Variants in SCN1A observed in about 807,000 individuals in gnomAD.
The protein encoded by SCN1A is sodium channel protein type 1 subunit alpha.
A neutral mutation model predicts 193.7 loss-of-function variants in SCN1A; 13 were observed. The ratio of observed to expected loss-of-function variants is 0.07; its 90% CI spans 0.04 to 0.11. The LOEUF is 0.11. SCN1A is among the 10% of genes least tolerant of loss of function. The probability of loss-of-function intolerance (pLI) is 1.00; values close to 1 mark genes in which losing one functional copy is unlikely to be tolerated. For synonymous variants in SCN1A, 781 were observed against 843.6 expected, an observed-to-expected ratio of 0.93 and a Z score of 1.29; for missense variants, 1,432 against 2,451.1, an observed-to-expected ratio of 0.58 and a Z score of 8.78.
intron 1 of SCN1A, among the ~76,000 whole-genome samples, chr2:166,144,807 T>A (rs4473394): frequency 0.81 from 122,343 of 151,494 alleles, 50,017 homozygotes; most frequent in African/African-American, 0.94. Flanking sequence ...ACAGAGATAA[T>A]GGGGCCTATC....
At chr2:166,068,711 C>G (rs553420181) in intron 4 of SCN1A, among the ~76,000 whole-genome samples, 1 of 152,256 alleles carries the variant, frequency 6.6e-6, no homozygotes, top group African/African-American at 2.4e-5. Context: ...TCATATATGA[C>G]TTCTCATGGA....
Position 165,991,699 on chromosome 2 carries a change from C to T in SCN1A, c.5576G>A (p.Gly1859Asp). ...LIAMDLPMVS[G>D]DRIHCLDILF... Reference sequence around the variant, plus strand: ...GATATCAAGACAGTGGATCCGGTCACCACTCACCATGGGCAAATCCATGGC... The same window carrying T: ...GATATCAAGACAGTGGATCCGGTCATCACTCACCATGGGCAAATCCATGGC... Residue 1859 changes from glycine (G) to aspartate (D), a missense_variant, in exon 29 of 29, where the codon GGT (glycine) becomes GAT (aspartate). Physicochemically the swap from Gly to Asp is moderately conservative, Grantham distance 94. Around this residue, in one of 18 missense-constraint regions of SCN1A, gnomAD observed 59 missense variants for 110.6 expected, o/e 0.53. Transcript: ENST00000674923. 6.2e-7 allele frequency: 1 copy of T among 1,613,914 alleles called. No homozygotes were observed. The highest frequency in any genetic ancestry group is 8.5e-7 in the Non-Finnish European group (1 of 1,179,918).
At chr2:166,090,029 CTTTTTTTTT>C (rs545740675) in intron 2 of SCN1A, among the ~76,000 whole-genome samples, 8 of 71,418 alleles carry the variant, frequency 1.1e-4, no homozygotes, top group East Asian at 4.0e-4. Flanking sequence ...TCCTTCTTTC[CTTTTTTTTT>C]TTTTTTTTTT....
rs1688680430 is a variant in SCN1A at position 165,987,455 on chromosome 2, T to C, written c.*3790A>G. On this transcript the variant is annotated 3_prime_UTR_variant, in exon 29 of 29. Coordinates refer to ENST00000674923, the MANE Select transcript of SCN1A (RefSeq NM_001165963.4). ...CATTGATGATTCTTGTATGAATCAATTGTCATTAGGGTGATTGCCAAATAG... is the reference window on the plus strand; with the variant it reads ...CATTGATGATTCTTGTATGAATCAACTGTCATTAGGGTGATTGCCAAATAG... 2 of 152,186 alleles carry C rather than the reference T, an allele frequency of 1.3e-5. No individual in the cohort carries two copies. The highest frequency in any genetic ancestry group is 2.1e-4 in the South Asian group (1 of 4,838). The allele number at this position is 152,186 out of a possible 1,614,324, so 9.4% of individuals were successfully genotyped here.
intron 1 of SCN1A, among the ~76,000 whole-genome samples, chr2:166,147,918 G>A (rs1574659493): frequency 6.6e-6 from 1 of 152,200 alleles, no homozygotes; most frequent in East Asian, 1.9e-4. Flanking sequence ...AGAAATTTTA[G>A]ATACTTTAAA....
At chr2:166,013,471 C>T (rs577144059) in intron 21 of SCN1A, among the ~76,000 whole-genome samples, 63 of 151,498 alleles carry the variant, frequency 4.2e-4, no homozygotes, top group African/African-American at 1.5e-3. Flanking sequence ...TATTCACATC[C>T]TTTGGTGTTA....
intron 21 of SCN1A, 115 bp downstream of exon 21, chr2:166,013,629 G>T: frequency 1.2e-6 from 1 of 868,426 alleles, no homozygotes; most frequent in Non-Finnish European, 1.9e-6. Context: ...GATACAAGGT[G>T]GGATAATTAA....
At chr2:166,104,491 C>T (rs1688476753) in intron 2 of SCN1A, 1 of 152,146 alleles carries the variant, frequency 6.6e-6, no homozygotes, top group Admixed American at 6.5e-5. Context: ...ATCTGTAATC[C>T]CATCACTTTG....
In SCN1A at chr2:166,041,479, G is replaced by GGA; in HGVS notation, c.2177-11_2177-10insTC. On this transcript the variant is annotated splice_polypyrimidine_tract_variant and intron_variant, in intron 15 of 28. Coordinates refer to ENST00000674923, the MANE Select transcript of SCN1A (RefSeq NM_001165963.4). ...CTGGATTCTTCAAGTTCTAGATTAA[G>GGA]AAAAAAAAAAAAAAGAACCACCAAA... The GGA allele has an allele frequency of 1.8e-6, 2 of 1,133,916 alleles. No homozygotes were observed. Among genetic ancestry groups the GGA allele is most frequent in the Non-Finnish European group, 2.5e-6 (2 of 791,864 alleles). 70.2% of individuals were successfully genotyped at this position (1,133,916 alleles called of 1,614,324 possible).
intron 5 of SCN1A, among the ~76,000 whole-genome samples, chr2:166,056,925 T>G (rs960303912): frequency 6.6e-6 from 1 of 152,046 alleles, no homozygotes; most frequent in South Asian, 2.1e-4. Flanking sequence ...ATCTGCAATA[T>G]TGTAATTTCT....
intron 19 of SCN1A, among the ~76,000 whole-genome samples, chr2:166,031,606 GGCA>G (rs1279537782): frequency 3.3e-5 from 5 of 151,826 alleles, no homozygotes; most frequent in African/African-American, 1.2e-4. Context: ...TATTACAGAG[GGCA>G]AAAGGCAAAC....
At chr2:166,056,904 GA>G (rs75428501) in intron 5 of SCN1A, among the ~76,000 whole-genome samples, 20,567 of 151,962 alleles carry the variant, frequency 0.14, 1,767 homozygotes, top group East Asian at 0.33. Flanking sequence ...AATTGTTGAG[GA>G]AGGCCACTTA....
chr2:166,124,884 G>C (rs1691061630), intron 2 of SCN1A, among the ~76,000 whole-genome samples: 1 of 152,170 alleles, frequency 6.6e-6, no homozygotes, highest in Admixed American at 6.5e-5. Flanking sequence ...TACCTCATAG[G>C]ATTAAATGAG....
At chr2:166,012,557 C>A (rs1175464828) in intron 21 of SCN1A, among the ~76,000 whole-genome samples, 1 of 148,964 alleles carries the variant, frequency 6.7e-6, no homozygotes, top group Non-Finnish European at 1.5e-5. Flanking sequence ...TGTGGCCATC[C>A]CAACTTGAAG....
At chr2:166,038,503 G>T (rs1203922854) in intron 17 of SCN1A, among the ~76,000 whole-genome samples, 1 of 151,866 alleles carries the variant, frequency 6.6e-6, no homozygotes, top group Non-Finnish European at 1.5e-5. Flanking sequence ...ACCACACCTG[G>T]TTAAATATAT....
At chr2:166,090,854 CTTGT>C (rs937051964) in intron 2 of SCN1A, among the ~76,000 whole-genome samples, 11 of 152,136 alleles carry the variant, frequency 7.2e-5, no homozygotes, top group African/African-American at 2.2e-4. Context: ...TATTCATATT[CTTGT>C]TTGTTAATCC....
At chr2:166,045,561 T>C (rs1697731644) in intron 12 of SCN1A, among the ~76,000 whole-genome samples, 1 of 152,196 alleles carries the variant, frequency 6.6e-6, no homozygotes, top group Non-Finnish European at 1.5e-5. Context: ...TCTCTGTTAA[T>C]GCTCCACAGA....
chr2:166,037,011 A>G (rs552631012), intron 18 of SCN1A, among the ~76,000 whole-genome samples: 19 of 152,292 alleles, frequency 1.2e-4, no homozygotes, highest in African/African-American at 4.1e-4. Context: ...TTGTTTTCTT[A>G]ATCTATTATA....
intron 1 of SCN1A, among the ~76,000 whole-genome samples, chr2:166,146,478 T>C (rs1383815960): frequency 6.6e-5 from 10 of 152,222 alleles, no homozygotes; most frequent in African/African-American, 2.4e-4. Flanking sequence ...AGTTTTGCCT[T>C]TGGTAGACAG....
Sources: allele counts gnomAD v4.1 joint callset (sites outside exome capture counted in the v4.1 genomes callset), GRCh38; gene constraint gnomAD v4.1.1; regional missense constraint gnomAD v4.1.1; transcripts MANE v1.5; gene names NCBI Gene and HGNC (gene_info 2026-07-23, HGNC 2026-07-21).